Variants in PKHD1 observed in about 807,000 individuals in gnomAD.
The protein encoded by PKHD1 is PKHD1 ciliary IPT domain containing fibrocystin/polyductin, also known as fibrocystin.
Under a neutral mutation model 412.0 loss-of-function variants are expected in PKHD1, and 291 were observed. The ratio of observed to expected loss-of-function variants is 0.71; its 90% confidence interval spans 0.64 to 0.78. The LOEUF (loss-of-function observed/expected upper bound fraction) is 0.78. Among genes scored for constraint, PKHD1 ranks in the 30% least tolerant of loss-of-function variants. The pLI is 0.00. For missense variants in PKHD1, 4,825 were observed against 4,950.7 expected (o/e 0.97, Z 0.76); for synonymous variants, 1,777 against 1,821.5 (o/e 0.98, Z 0.62).
At chr6:51,916,161 CA>C (rs1783777477) in intron 37 of PKHD1, among the ~76,000 whole-genome samples, 2 of 151,510 alleles carry the variant, frequency 1.3e-5, no homozygotes, top group African/African-American at 4.9e-5. Context: ...ATTCCTAACA[CA>C]GCACTGGACG....
chr6:52,058,778 T>A (rs1214369379), intron 15 of PKHD1, among the ~76,000 whole-genome samples, 177 bp from the exon 16 acceptor site: 1 of 146,052 alleles, frequency 6.8e-6, no homozygotes, highest in South Asian at 2.1e-4. Flanking sequence ...GCTCTCTATC[T>A]ATCTATCTAT....
At chr6:52,059,693 G>A (rs1008643502) in intron 15 of PKHD1, among the ~76,000 whole-genome samples, 1 of 152,154 alleles carries the variant, frequency 6.6e-6, no homozygotes, top group Non-Finnish European at 1.5e-5. Context: ...GAGATGCAGT[G>A]AAAACTAGAG....
chr6:51,982,134 T>C (rs1795436284), intron 35 of PKHD1, among the ~76,000 whole-genome samples: 1 of 54,220 alleles, frequency 1.8e-5, no homozygotes, highest in African/African-American at 5.4e-5. Context: ...CCACCCCGTC[T>C]GGGAAGTGAG....
chr6:51,869,420 T>C (rs1490022708), intron 47 of PKHD1, among the ~76,000 whole-genome samples: 1 of 152,144 alleles, frequency 6.6e-6, no homozygotes, highest in Non-Finnish European at 1.5e-5. Flanking sequence ...CATGCTCTCT[T>C]ACAATAATAG....
At chr6:51,740,008 T>C in intron 60 of PKHD1, 1 of 519,014 alleles carries the variant, frequency 1.9e-6, no homozygotes, top group Non-Finnish European at 3.8e-6. Context: ...TTAATTTCAA[T>C]GCTTTGTTCT....
chr6:51,858,281 T>G (rs1351674278), intron 48 of PKHD1, among the ~76,000 whole-genome samples: 1 of 152,206 alleles, frequency 6.6e-6, no homozygotes, highest in Middle Eastern at 3.2e-3. Context: ...TCTTAGAATT[T>G]CTAGCCATTT....
At position 51,721,315 on chromosome 6, in the gene PKHD1, A is replaced by G. The variant is rs1339228153; in HGVS notation, c.10156+23070T>C. The G allele has an allele frequency of 3.8e-6, 3 of 794,142 alleles. No homozygotes were observed. In the African/African-American group the frequency reaches 5.6e-5, roughly 15 times the overall value. The allele number at this position is 794,142 out of a possible 1,614,324, so 49.2% of individuals were successfully genotyped here. ...TTCTTTACCAATATTATTAACAATA[A>G]CCCACTATTATTGGTATATTAGTAT... On this transcript the variant is annotated intron_variant, in intron 60 of 66. Transcript: ENST00000371117.
intron 36 of PKHD1, among the ~76,000 whole-genome samples, chr6:51,951,502 T>C (rs1790360951): frequency 6.6e-6 from 1 of 152,190 alleles, no homozygotes; most frequent in Non-Finnish European, 1.5e-5. Context: ...TCTAAGCAAC[T>C]TGTTTTTTCA....
chr6:51,665,684 A>G lies in PKHD1; in HGVS notation c.10157-5715T>C, dbSNP rs1264507780. Among the ~76,000 whole-genome samples, 3 of 152,150 alleles carry G rather than the reference A, an allele frequency of 2.0e-5. No individual in the cohort carries two copies. The East Asian group carries it at 5.8e-4, about 29-fold the overall frequency. ...CTAATGCATAGATGTAATAATTCAG[A>G]GTCTCTTAAAATGTACATTTCAAAA... is the stretch of plus-strand genomic sequence containing the variant. On this transcript the variant is annotated intron_variant, in intron 60 of 66. Coordinates refer to ENST00000371117, the MANE Select transcript of PKHD1 (RefSeq NM_138694.4).
intron 36 of PKHD1, among the ~76,000 whole-genome samples, chr6:51,942,385 T>G (rs1219383140): frequency 6.6e-6 from 1 of 151,718 alleles, no homozygotes; most frequent in East Asian, 1.9e-4. Context: ...CCTAATACTT[T>G]TAGAGGCCCT....
chr6:51,949,549 C>T (rs1468192717), intron 36 of PKHD1, among the ~76,000 whole-genome samples: 1 of 152,160 alleles, frequency 6.6e-6, no homozygotes, highest in African/African-American at 2.4e-5. Flanking sequence ...CCTTTGTTGG[C>T]AAGATCCGGA....
intron 45 of PKHD1, among the ~76,000 whole-genome samples, chr6:51,884,788 G>T (rs760205335): frequency 6.6e-6 from 1 of 152,074 alleles, no homozygotes; most frequent in Non-Finnish European, 1.5e-5. Context: ...CAGAGTTTAA[G>T]CCCCTGCAGG....
chr6:51,760,690 A>T (rs1787852843), intron 55 of PKHD1, among the ~76,000 whole-genome samples: 1 of 152,130 alleles, frequency 6.6e-6, no homozygotes, highest in Admixed American at 6.6e-5. Flanking sequence ...AAGAAAAAAG[A>T]AACATTCCAA....
At position 51,762,648 on chromosome 6, in the gene PKHD1, CATAT is replaced by C. The variant is rs112065290; in HGVS notation, c.8643-7714_8643-7711del. 3.3e-4 allele frequency among the ~76,000 whole-genome samples: 32 copies of C among 95,636 alleles called. 1 individual carries two copies. In the Admixed American group the frequency reaches 3.7e-3, roughly 11 times the overall value. The allele number at this position is 95,636 out of a possible 152,430, so 62.7% of individuals were successfully genotyped here. A position where few individuals can be genotyped will look rare whatever the true frequency, so the allele number is the denominator to read the frequency against. On this transcript the variant is annotated intron_variant, in intron 55 of 66. Coordinates refer to ENST00000371117, the MANE Select transcript of PKHD1 (RefSeq NM_138694.4). ...GAAGTTTTCACACTACCATTATTCA[CATAT>C]ATATATATATATATTTTCAGGTATC...
intron 46 of PKHD1, among the ~76,000 whole-genome samples, chr6:51,871,274 A>C (rs954984002): frequency 6.6e-5 from 10 of 152,220 alleles, no homozygotes; most frequent in African/African-American, 2.4e-4. Flanking sequence ...GAAACAAGTC[A>C]AGTGCACCTC....
At chr6:51,797,421 T>A (rs1794784467) in intron 52 of PKHD1, among the ~76,000 whole-genome samples, 1 of 152,258 alleles carries the variant, frequency 6.6e-6, no homozygotes, top group Non-Finnish European at 1.5e-5. Flanking sequence ...ACACTATTAT[T>A]GTGTGGGAAT....
chr6:51,738,230 A>G (rs1258621187), intron 60 of PKHD1, among the ~76,000 whole-genome samples: 1 of 152,208 alleles, frequency 6.6e-6, no homozygotes, highest in Non-Finnish European at 1.5e-5. Flanking sequence ...CAACACAGCT[A>G]GCACAATCTT....
chr6:52,086,576 T>C (rs1162301617), intron 1 of PKHD1, among the ~76,000 whole-genome samples: 1 of 152,204 alleles, frequency 6.6e-6, no homozygotes, highest in Non-Finnish European at 1.5e-5. Context: ...GCTGGAAATC[T>C]ATAATCATTT....
intron 35 of PKHD1, among the ~76,000 whole-genome samples, chr6:51,961,883 C>T (rs1370373069): frequency 6.6e-6 from 1 of 152,022 alleles, no homozygotes; most frequent in Non-Finnish European, 1.5e-5. Flanking sequence ...GGCAGTGTTC[C>T]TTAGAGCTTA....
Sources: allele counts gnomAD v4.1 joint callset (sites outside exome capture counted in the v4.1 genomes callset), GRCh38; gene constraint gnomAD v4.1.1; transcripts MANE v1.5; gene names NCBI Gene and HGNC (gene_info 2026-07-23, HGNC 2026-07-21).